The following DCC variants were observed in gnomAD, a reference collection of about 807,000 sequenced individuals.
DCC encodes DCC netrin 1 receptor.
DCC carries 58 observed loss-of-function variants against 172.5 expected under a neutral mutation model. The ratio of observed to expected loss-of-function variants is 0.34; its 90% CI spans 0.27 to 0.42. The LOEUF (loss-of-function observed/expected upper bound fraction) is 0.42, where lower values mean the gene tolerates loss of function less well. Ranked by LOEUF, DCC falls within the 10% of genes least tolerant of loss-of-function variation. The pLI is 1.00. For synonymous variants in DCC, 709 were observed against 644.5 expected, an observed-to-expected ratio of 1.10 and a Z score of -1.52; for missense variants, 1,740 against 1,791.0, an observed-to-expected ratio of 0.97 and a Z score of 0.51.
rs560100572 is a variant in DCC, at chr18:52,722,394, T to C, written c.92-29660T>C. 7.9e-4 allele frequency among the ~76,000 whole-genome samples: 120 copies of C among 152,272 alleles called. 2 individuals are homozygous for C. In the East Asian group the frequency reaches 0.013, roughly 17 times the overall value. The stretch of plus-strand genomic sequence containing the variant: ...ATTCACCTCCACCCTCAATATTCCT[T>C]CTCATCCTCAGACTCCCAGTAAAGT... On this transcript the variant is annotated intron_variant, in intron 1 of 28. Transcript: ENST00000442544.
At chr18:53,057,079 T>TAAAAAAAAA (rs11316527) in intron 5 of DCC, among the ~76,000 whole-genome samples, 62 of 89,300 alleles carry the variant, frequency 6.9e-4, no homozygotes, top group East Asian at 1.4e-3. Flanking sequence ...CTTCTAAAAG[T>TAAAAAAAAA]AAAAAAAAAA....
chr18:53,175,714 G>C (rs1179200193), intron 8 of DCC, among the ~76,000 whole-genome samples: 8 of 152,082 alleles, frequency 5.3e-5, no homozygotes, highest in African/African-American at 1.4e-4. Flanking sequence ...CATGCTCATG[G>C]GTAGGAGGAA....
chr18:52,869,567 C>T (rs1005544736), intron 2 of DCC, among the ~76,000 whole-genome samples: 3 of 152,178 alleles, frequency 2.0e-5, no homozygotes, highest in African/African-American at 7.2e-5. Context: ...GTGGACCCAC[C>T]CCCTTCTGCC....
chr18:52,471,389 A>G (rs1409918739), intron 1 of DCC, among the ~76,000 whole-genome samples: 1 of 152,222 alleles, frequency 6.6e-6, no homozygotes, highest in African/African-American at 2.4e-5. Context: ...TGATATGTAA[A>G]AGAGAACACG....
At chr18:52,904,574 C>T (rs369603442) in intron 2 of DCC, among the ~76,000 whole-genome samples, 2 of 152,126 alleles carry the variant, frequency 1.3e-5, no homozygotes, top group African/African-American at 4.8e-5. Flanking sequence ...CAAATTAAAA[C>T]TAAGGGTAAT....
intron 8 of DCC, among the ~76,000 whole-genome samples, chr18:53,160,124 A>G (rs1035901018): frequency 7.9e-5 from 12 of 152,160 alleles, no homozygotes; most frequent in Admixed American, 5.2e-4. Context: ...TTATCATACA[A>G]TTTTGTCCTT....
chr18:52,898,408 G>T (rs1015897553), intron 2 of DCC, among the ~76,000 whole-genome samples: 2 of 152,100 alleles, frequency 1.3e-5, no homozygotes, highest in African/African-American at 4.8e-5. Context: ...CCCTAGAGGC[G>T]GCAAGTCTTG....
chr18:53,383,360 C>A (rs776459113), intron 15 of DCC, among the ~76,000 whole-genome samples: 1 of 151,860 alleles, frequency 6.6e-6, no homozygotes, highest in East Asian at 1.9e-4. Context: ...CTTTAAAATA[C>A]CTTTATCAAA....
At chr18:53,351,254 T>C (rs1375392160) in intron 15 of DCC, among the ~76,000 whole-genome samples, 1 of 129,476 alleles carries the variant, frequency 7.7e-6, no homozygotes, top group Non-Finnish European at 1.6e-5. Flanking sequence ...TATATTAGCA[T>C]TGAACAGGAG....
At chr18:52,565,030 G>A (rs1234085727) in intron 1 of DCC, among the ~76,000 whole-genome samples, 1 of 152,092 alleles carries the variant, frequency 6.6e-6, no homozygotes, top group Non-Finnish European at 1.5e-5. Flanking sequence ...TAAGAAGGAG[G>A]TCTTGCTTGG....
chr18:53,484,632 T>C (rs991936617), intron 25 of DCC, among the ~76,000 whole-genome samples: 2 of 152,162 alleles, frequency 1.3e-5, no homozygotes, highest in East Asian at 3.9e-4. Flanking sequence ...AGGGTCCAAT[T>C]TCATTATTTT....
At position 52,834,186 on chromosome 18, in the gene DCC, T is replaced by C. The variant is rs140352245; in HGVS notation, c.413-71858T>C. ...CCTTCTTCTCTTTATAGCAGTTGGATCCATCTTCAATCAGCATCACAGAAC... is the reference window on the plus strand; with the variant it reads ...CCTTCTTCTCTTTATAGCAGTTGGACCCATCTTCAATCAGCATCACAGAAC... On this transcript the variant is annotated intron_variant, in intron 2 of 28. Transcript: ENST00000442544. 1.4e-4 allele frequency among the ~76,000 whole-genome samples: 21 copies of C among 151,842 alleles called. No homozygotes were observed. In the East Asian group the frequency reaches 4.1e-3, roughly 29 times the overall value.
At position 53,524,305 on chromosome 18, in the gene DCC, A is replaced by T. The variant is rs71368932; in HGVS notation, c.4112-2312A>T. On this transcript the variant is annotated intron_variant, in intron 27 of 28. Coordinates refer to ENST00000442544, the MANE Select transcript of DCC (RefSeq NM_005215.4). ...TAAGTTGTTGAATACATGAAAAAAA[A>T]AAGAAGGAAAATGTTCATAATGAAA... 5.6e-3 allele frequency among the ~76,000 whole-genome samples: 846 copies of T among 152,166 alleles called. 3 individuals are homozygous for T. Among genetic ancestry groups the T allele is most frequent in the Middle Eastern group, 0.037 (11 of 294 alleles).
chr18:53,511,519 G>A (rs890922685), intron 27 of DCC, among the ~76,000 whole-genome samples: 22 of 152,198 alleles, frequency 1.4e-4, no homozygotes, highest in African/African-American at 5.1e-4. Context: ...CGCAGAAGAC[G>A]GGTGATTTCT....
At chr18:53,117,639 C>T (rs115907966) in intron 7 of DCC, among the ~76,000 whole-genome samples, 2,212 of 151,638 alleles carry the variant, frequency 0.015, 46 homozygotes, top group African/African-American at 0.05. Flanking sequence ...CAGATTTAAC[C>T]GCTTTTTCAA....
At position 53,298,527 on chromosome 18, in the gene DCC, C is replaced by CAAAAAA. The variant is rs61387067; in HGVS notation, c.1912-7026_1912-7021dup. On this transcript the variant is annotated intron_variant, in intron 12 of 28. Coordinates refer to ENST00000442544, the MANE Select transcript of DCC (RefSeq NM_005215.4). Reference sequence around the variant, plus strand: ...TGGATGACACAGAGAGACCCTGACTCAAAAAAAAAAAAAAAAAAAAAAAAA... The same window carrying CAAAAAA: ...TGGATGACACAGAGAGACCCTGACTCAAAAAAAAAAAAAAAAAAAAAAAAAAAAAAA... Among the ~76,000 whole-genome samples, 12 of 33,092 alleles carry CAAAAAA rather than the reference C, an allele frequency of 3.6e-4. 1 individual carries two copies. The highest frequency in any genetic ancestry group is 7.7e-4 in the African/African-American group (9 of 11,668). 21.7% of individuals were successfully genotyped at this position (33,092 alleles called of 152,430 possible).
intron 1 of DCC, among the ~76,000 whole-genome samples, chr18:52,559,684 T>A (rs138780028): frequency 2.0e-5 from 3 of 152,248 alleles, no homozygotes; most frequent in African/African-American, 7.2e-5. Context: ...CCACCAGTTA[T>A]TCAGTCACAA....
At chr18:53,264,769 G>A (rs2056652867) in intron 12 of DCC, among the ~76,000 whole-genome samples, 1 of 151,762 alleles carries the variant, frequency 6.6e-6, no homozygotes, top group Non-Finnish European at 1.5e-5. Flanking sequence ...TTTTTTTGCT[G>A]AAAAGAATAA....
At chr18:52,724,225 C>T (rs561075907) in intron 1 of DCC, among the ~76,000 whole-genome samples, 1 of 152,296 alleles carries the variant, frequency 6.6e-6, no homozygotes, top group African/African-American at 2.4e-5. Context: ...GGACTCACTG[C>T]AATTTTGGCC....
Sources: gnomAD v4.1 joint callset for allele counts (sites outside exome capture counted in the v4.1 genomes callset) on GRCh38, gnomAD v4.1.1 for gene constraint, MANE v1.5 for transcripts, NCBI Gene and HGNC (gene_info 2026-07-23, HGNC 2026-07-21) for gene names.